CCDC171: variants seen among roughly 807,000 people sequenced by gnomAD.
CCDC171 encodes coiled-coil domain containing 171, also known as coiled-coil domain-containing protein 171.
In CCDC171, 177 loss-of-function variants were observed where a neutral mutation model predicts 168.2. The ratio of observed to expected loss-of-function variants is 1.05; its 90% confidence interval spans 0.93 to 1.19. CCDC171 has a LOEUF of 1.19. Ranked by LOEUF, CCDC171 falls within the 50% of genes most tolerant of loss-of-function variation. The pLI is 0.00. For missense variants in CCDC171, 1,991 were observed against 1,539.0 expected (o/e 1.29, Z -4.91); for synonymous variants, 687 against 540.8 (o/e 1.27, Z -3.75).
intron 11 of CCDC171, 66 bp downstream of exon 11, chr9:15,695,403 T>G: frequency 8.5e-7 from 1 of 1,181,882 alleles, no homozygotes; most frequent in East Asian, 2.3e-5. Flanking sequence ...ATTTTGGGAA[T>G]TCTGCAGATG....
chr9:15,922,928 A>AT (rs1825511506), intron 25 of CCDC171, among the ~76,000 whole-genome samples: 1 of 151,334 alleles, frequency 6.6e-6, no homozygotes, highest in Admixed American at 6.6e-5. Flanking sequence ...TTTTCTTGCT[A>AT]TTGTTAGAGG....
intron 7 of CCDC171, among the ~76,000 whole-genome samples, chr9:15,654,499 C>T (rs1170086747): frequency 2.6e-5 from 4 of 152,182 alleles, no homozygotes; most frequent in African/African-American, 9.6e-5. Context: ...ATAGTCATTT[C>T]TAAGTTATTC....
At chr9:15,655,479 C>T (rs1222824622) in intron 7 of CCDC171, among the ~76,000 whole-genome samples, 1 of 152,094 alleles carries the variant, frequency 6.6e-6, no homozygotes, top group African/African-American at 2.4e-5. Flanking sequence ...ATTTTCTGAA[C>T]AAAAATTGTA....
chr9:15,651,108 T>G (rs2047478592), intron 7 of CCDC171, among the ~76,000 whole-genome samples: 1 of 151,930 alleles, frequency 6.6e-6, no homozygotes, highest in Non-Finnish European at 1.5e-5. Context: ...TTTTTAATTT[T>G]TTAGAATTTT....
intron 11 of CCDC171, among the ~76,000 whole-genome samples, chr9:15,701,134 G>T (rs1483281669): frequency 6.6e-6 from 1 of 152,074 alleles, no homozygotes; most frequent in Non-Finnish European, 1.5e-5. Context: ...GTGTATTCTG[G>T]ATATTAGTCC....
At chr9:15,632,298 A>G (rs1234551823) in intron 7 of CCDC171, among the ~76,000 whole-genome samples, 1 of 151,844 alleles carries the variant, frequency 6.6e-6, no homozygotes, top group Non-Finnish European at 1.5e-5. Context: ...AAATCTCCTT[A>G]AACTGATAAG....
chr9:15,874,032 T>C (rs999100223), intron 23 of CCDC171, among the ~76,000 whole-genome samples: 6 of 152,100 alleles, frequency 3.9e-5, no homozygotes, highest in Admixed American at 2.6e-4. Flanking sequence ...TATTTTTAAG[T>C]CTCCTTTTGT....
intron 25 of CCDC171, among the ~76,000 whole-genome samples, chr9:15,961,181 G>A (rs938138602): frequency 2.0e-5 from 3 of 152,072 alleles, no homozygotes; most frequent in Non-Finnish European, 2.9e-5. Flanking sequence ...CTTTACCTGA[G>A]TGCCTGCTCA....
chr9:15,684,627 A>T (rs2050257893), intron 10 of CCDC171, among the ~76,000 whole-genome samples: 1 of 152,170 alleles, frequency 6.6e-6, no homozygotes, highest in Non-Finnish European at 1.5e-5. Flanking sequence ...GTTTTGAAGG[A>T]TCATAAAAAA....
At chr9:15,553,608 T>G (rs2038519372) in intron 1 of CCDC171, 2 of 152,296 alleles carry the variant, frequency 1.3e-5, no homozygotes, top group Non-Finnish European at 2.9e-5. Context: ...CGAGAATCAG[T>G]AAGCCCCTCG....
intron 25 of CCDC171, among the ~76,000 whole-genome samples, chr9:15,926,063 A>T (rs1208091076): frequency 1.5e-5 from 2 of 130,998 alleles, no homozygotes; most frequent in Non-Finnish European, 3.5e-5. Flanking sequence ...AAAAATAGGC[A>T]TATAAAAAAA....
At chr9:15,761,504 TACAAATGCATAATCTCAG>T (rs762933013) in intron 18 of CCDC171, among the ~76,000 whole-genome samples, 43 of 152,184 alleles carry the variant, frequency 2.8e-4, no homozygotes, top group Non-Finnish European at 5.9e-4. Context: ...GGGAATGTGA[TACAAATGCATAATCTCAG>T]ACTCCACTCC....
chr9:16,062,321 G>A (rs990028184), downstream of CCDC171, among the ~76,000 whole-genome samples: 2 of 152,164 alleles, frequency 1.3e-5, no homozygotes, highest in East Asian at 1.9e-4. Context: ...AGTACTGCAT[G>A]TTCTCACTCA....
At chr9:16,051,744 C>T (rs1564136336) in intron 1 of CCDC171, among the ~76,000 whole-genome samples, 1 of 152,208 alleles carries the variant, frequency 6.6e-6, no homozygotes, top group Non-Finnish European at 1.5e-5. Flanking sequence ...GACTTCACAT[C>T]TCCTTAGTTT....
intron 16 of CCDC171, among the ~76,000 whole-genome samples, chr9:15,743,464 C>T (rs764666705): frequency 3.3e-5 from 5 of 152,102 alleles, no homozygotes; most frequent in Non-Finnish European, 7.4e-5. Context: ...AGCCATTTTG[C>T]CTGTCCCTTC....
At chr9:16,085,178 A>T in the CCDC171 span, among the ~76,000 whole-genome samples, 1 of 152,192 alleles carries the variant, frequency 6.6e-6, no homozygotes, top group African/African-American at 2.4e-5. Context: ...CCTCTTATCT[A>T]TCGACACTCC....
At chr9:15,992,032 C>T (rs554953082) in intron 3 of CCDC171, among the ~76,000 whole-genome samples, 97 of 152,284 alleles carry the variant, frequency 6.4e-4, no homozygotes, top group Middle Eastern at 3.4e-3. Context: ...CCTTCTGAAA[C>T]TATTTCAATC....
intron 7 of CCDC171, among the ~76,000 whole-genome samples, chr9:15,645,467 C>T (rs560504357): frequency 1.1e-4 from 16 of 152,184 alleles, no homozygotes; most frequent in Admixed American, 7.9e-4. Flanking sequence ...GGAGGATGTT[C>T]GAGCCCATTG....
the CCDC171 span, among the ~76,000 whole-genome samples, chr9:16,087,689 C>T: frequency 6.7e-6 from 1 of 150,196 alleles, no homozygotes. Flanking sequence ...TGGGTCTTGA[C>T]TCTTTATCCA....
Sources: allele counts gnomAD v4.1 joint callset (sites outside exome capture counted in the v4.1 genomes callset), GRCh38; gene constraint gnomAD v4.1.1; transcripts MANE v1.5; gene names NCBI Gene and HGNC (gene_info 2026-07-23, HGNC 2026-07-21).